EYS: variants seen among roughly 807,000 people sequenced by gnomAD.
EYS encodes the protein protein eyes shut homolog.
A neutral mutation model predicts 282.1 loss-of-function variants in EYS; 250 were observed. That is an observed-to-expected ratio of 0.89 (90% CI 0.80 to 0.98). EYS has a LOEUF of 0.98. Ranked by LOEUF, EYS falls within the 50% of genes least tolerant of loss-of-function variation. The probability of loss-of-function intolerance (pLI) is 0.00; values close to 1 mark genes in which losing one functional copy is unlikely to be tolerated. For missense variants in EYS, 4,016 were observed against 3,709.0 expected, an observed-to-expected ratio of 1.08 and a Z score of -2.15; for synonymous variants, 1,355 against 1,282.9, an observed-to-expected ratio of 1.06 and a Z score of -1.20.
chr6:63,797,601 T>C (rs1053707606), intron 37 of EYS: 2 of 152,270 alleles, frequency 1.3e-5, no homozygotes, highest in African/African-American at 4.8e-5. Context: ...CCTGTTCTGT[T>C]GATGGGACTA....
intron 19 of EYS, among the ~76,000 whole-genome samples, chr6:64,827,309 T>C (rs1374095797): frequency 6.6e-6 from 1 of 151,886 alleles, no homozygotes; most frequent in African/African-American, 2.4e-5. Context: ...ATATTCCTTT[T>C]GATATCTCCC....
chr6:64,454,238 T>A (rs1256953978), intron 26 of EYS, among the ~76,000 whole-genome samples: 1 of 152,168 alleles, frequency 6.6e-6, no homozygotes, highest in Non-Finnish European at 1.5e-5. Flanking sequence ...CTATTCCATT[T>A]GACAGATTGT....
At chr6:63,922,844 C>T (rs1453125774) in intron 35 of EYS, among the ~76,000 whole-genome samples, 1 of 152,112 alleles carries the variant, frequency 6.6e-6, no homozygotes, top group Admixed American at 6.5e-5. Context: ...GATATCTAAT[C>T]CAAAAAGCAG....
chr6:65,640,735 A>AT (rs1767247927), intron 1 of EYS, among the ~76,000 whole-genome samples: 1 of 151,866 alleles, frequency 6.6e-6, no homozygotes, highest in Non-Finnish European at 1.5e-5. Flanking sequence ...ATTTTTTAAG[A>AT]TTTTTTTATG....
chr6:64,172,391 C>T (rs962106119), intron 31 of EYS, among the ~76,000 whole-genome samples: 1 of 152,104 alleles, frequency 6.6e-6, no homozygotes, highest in Non-Finnish European at 1.5e-5. Context: ...TTTCCTGTGC[C>T]CCTAGCCCCT....
intron 1 of EYS, among the ~76,000 whole-genome samples, chr6:65,661,125 T>C (rs1466524500): frequency 1.3e-5 from 2 of 151,894 alleles, no homozygotes; most frequent in East Asian, 1.9e-4. Flanking sequence ...AAAGTGATTA[T>C]AATGGAAAGA....
chr6:64,569,512 TG>T (rs955631216), intron 26 of EYS, among the ~76,000 whole-genome samples: 4 of 149,852 alleles, frequency 2.7e-5, no homozygotes, highest in African/African-American at 4.9e-5. Context: ...GAGGCGGAGG[TG>T]GGGGGGTCAC....
chr6:64,664,195 G>A (rs982885439), intron 22 of EYS, among the ~76,000 whole-genome samples: 2 of 152,216 alleles, frequency 1.3e-5, no homozygotes, highest in Non-Finnish European at 2.9e-5. Context: ...TACAATGGGA[G>A]GGGACCCAAA....
chr6:64,066,528 G>T, intron 32 of EYS, 37 bp from the exon 33 acceptor site: 1 of 1,325,084 alleles, frequency 7.5e-7, no homozygotes, highest in Non-Finnish European at 1.0e-6. Flanking sequence ...AATTATTGTA[G>T]ATTTATATTT....
intron 23 of EYS, among the ~76,000 whole-genome samples, chr6:64,622,179 TG>T (rs1447470835): frequency 6.6e-6 from 1 of 152,080 alleles, no homozygotes; most frequent in African/African-American, 2.4e-5. Context: ...AAATCTAACC[TG>T]AGCTCCACTT....
At chr6:65,080,545 A>G (rs1774203195) in intron 12 of EYS, among the ~76,000 whole-genome samples, 1 of 152,090 alleles carries the variant, frequency 6.6e-6, no homozygotes. Context: ...ATTAGATATC[A>G]TCATTTGGCA....
chr6:64,626,307 C>T, intron 22 of EYS, 62 bp from the exon 23 acceptor site: 1 of 1,479,776 alleles, frequency 6.8e-7, no homozygotes, highest in Non-Finnish European at 8.9e-7. Context: ...TATCACTTTT[C>T]ATCTTGGGAT....
chr6:63,723,915 G>A (rs1413901215), intron 42 of EYS, among the ~76,000 whole-genome samples: 2 of 151,400 alleles, frequency 1.3e-5, no homozygotes, highest in East Asian at 1.9e-4. Flanking sequence ...TCCATCTCCC[G>A]GGCTGCCTCA....
At chr6:65,266,312 T>C (rs1421842378) in intron 12 of EYS, among the ~76,000 whole-genome samples, 1 of 151,886 alleles carries the variant, frequency 6.6e-6, no homozygotes, top group East Asian at 1.9e-4. Flanking sequence ...AATGATAATA[T>C]TGATAGAATA....
chr6:64,831,819 C>T (rs774820850), intron 19 of EYS, among the ~76,000 whole-genome samples: 4 of 151,856 alleles, frequency 2.6e-5, no homozygotes, highest in Non-Finnish European at 5.9e-5. Context: ...TCAAAATATC[C>T]TTCACAAAAT....
chr6:65,014,573 A>G (rs1326418209), intron 13 of EYS, among the ~76,000 whole-genome samples: 1 of 152,178 alleles, frequency 6.6e-6, no homozygotes, highest in Non-Finnish European at 1.5e-5. Context: ...GTTTTCTAGA[A>G]GGATGAGGGC....
chr6:64,345,959 C>G (rs1005128791), intron 29 of EYS, among the ~76,000 whole-genome samples: 1 of 152,118 alleles, frequency 6.6e-6, no homozygotes, highest in Non-Finnish European at 1.5e-5. Context: ...AAATGCTCAT[C>G]ATCACTGGCC....
intron 28 of EYS, among the ~76,000 whole-genome samples, chr6:64,423,812 G>A (rs914864986): frequency 6.6e-6 from 1 of 151,122 alleles, no homozygotes; most frequent in Admixed American, 6.6e-5. Context: ...CATCATGGGG[G>A]AAAAAAAAAT....
intron 5 of EYS, among the ~76,000 whole-genome samples, chr6:65,462,976 T>C (rs1764872303): frequency 6.6e-6 from 1 of 152,082 alleles, no homozygotes; most frequent in Non-Finnish European, 1.5e-5. Flanking sequence ...AAATTTCTTT[T>C]CTCACATGGA....
Sources: allele counts gnomAD v4.1 joint callset (sites outside exome capture counted in the v4.1 genomes callset), GRCh38; gene constraint gnomAD v4.1.1; transcripts MANE v1.5; gene names NCBI Gene and HGNC (gene_info 2026-07-23, HGNC 2026-07-21).